Variants in DSG4 observed in about 807,000 individuals in gnomAD.
DSG4 encodes the protein desmoglein-4.
In DSG4, 87 loss-of-function variants were observed where a neutral mutation model predicts 93.1. The observed-to-expected ratio is 0.93, with a 90% CI of 0.79 to 1.12. The LOEUF (loss-of-function observed/expected upper bound fraction) is 1.12, where lower values mean the gene tolerates loss of function less well. DSG4 is among the 50% of genes most tolerant of loss of function. The probability of loss-of-function intolerance (pLI) is 0.00; values close to 1 mark genes in which losing one functional copy is unlikely to be tolerated. For synonymous variants in DSG4, 432 were observed against 452.9 expected (o/e 0.95, Z 0.59); for missense variants, 1,373 against 1,285.7 (o/e 1.07, Z -1.04).
At chr18:31,398,748 C>T (rs1001955070) in intron 8 of DSG4, among the ~76,000 whole-genome samples, 1 of 152,044 alleles carries the variant, frequency 6.6e-6, no homozygotes, top group Non-Finnish European at 1.5e-5. Context: ...GACCCGGCGA[C>T]TATAATCATC....
At chr18:31,390,903 A>T in intron 6 of DSG4, 81 bp downstream of exon 6, 1 of 1,540,950 alleles carries the variant, frequency 6.5e-7, no homozygotes, top group Admixed American at 1.9e-5. Context: ...GTGTACCCTT[A>T]CTCCAATATA....
chr18:31,406,511 A>T, intron 12 of DSG4, 138 bp downstream of exon 12: 1 of 930,772 alleles, frequency 1.1e-6, no homozygotes, highest in Non-Finnish European at 1.7e-6. Flanking sequence ...GAAATAAACA[A>T]TGGGACTGAC....
chr18:31,389,136 G>T lies in DSG4; in HGVS notation c.517+118G>T, dbSNP rs541994591. The T allele has an allele frequency of 2.6e-4, 292 of 1,102,032 alleles. 2 individuals are homozygous for T. In the South Asian group the frequency reaches 3.0e-3, roughly 11 times the overall value. The allele number at this position is 1,102,032 out of a possible 1,614,324, so 68.3% of individuals were successfully genotyped here. A position where few individuals can be genotyped will look rare whatever the true frequency, so the allele number is the denominator to read the frequency against. ...ACAGAAAAAGCCACACTTGTATTTT[G>T]AATAAACCCCACATATTTTAATTTA... is the stretch of plus-strand genomic sequence containing the variant. On this transcript the variant is annotated intron_variant, in intron 5 of 15. Coordinates refer to ENST00000308128, the MANE Select transcript of DSG4 (RefSeq NM_177986.5).
At chr18:31,411,069 C>A (rs770207455) in intron 14 of DSG4, 162 bp from the exon 15 acceptor site, 1 of 1,536,306 alleles carries the variant, frequency 6.5e-7, no homozygotes, top group Non-Finnish European at 8.8e-7. Context: ...GGTCAACAAG[C>A]CTGGAGATGT....
chr18:31,390,652 C>A lies in DSG4; in HGVS notation c.518-4C>A. ...CCATTCTCCACCTCCATTTCTATTTCTAGATACATTGGTAGTAAAGTTATG... is the reference window on the plus strand; with the variant it reads ...CCATTCTCCACCTCCATTTCTATTTATAGATACATTGGTAGTAAAGTTATG... On this transcript the variant is annotated splice_polypyrimidine_tract_variant and splice_region_variant and intron_variant, in intron 5 of 15. Transcript: ENST00000308128. The A allele has an allele frequency of 6.2e-7, 1 of 1,613,302 alleles. No individual in the cohort carries two copies. Among genetic ancestry groups the A allele is most frequent in the South Asian group, 1.1e-5 (1 of 91,072 alleles).
In DSG4 at chr18:31,376,838, C is replaced by T. The variant is rs2072082019; in HGVS notation, c.-74C>T. The T allele has an allele frequency of 1.3e-6, 2 of 1,538,092 alleles. No individual in the cohort carries two copies. Among genetic ancestry groups the T allele is most frequent in the Non-Finnish European group, 9.0e-7 (1 of 1,111,914 alleles). The stretch of plus-strand genomic sequence containing the variant: ...TCTCAAAGCATATCTTTCTGTAGAG[C>T]AGAATTCGGAACTGAGAAGACGAGG... On this transcript the variant is annotated 5_prime_UTR_variant, in exon 1 of 16. Coordinates refer to ENST00000308128, the MANE Select transcript of DSG4 (RefSeq NM_177986.5).
At chr18:31,400,530 A>G (rs1194316027) in intron 9 of DSG4, among the ~76,000 whole-genome samples, 3 of 152,198 alleles carry the variant, frequency 2.0e-5, no homozygotes, top group African/African-American at 7.2e-5. Flanking sequence ...TCCTAAGTAT[A>G]CCACATACAA....
At position 31,386,956 on chromosome 18, in the gene DSG4, C is replaced by T; in HGVS notation, c.216+137C>T. The T allele has an allele frequency of 2.1e-6, 3 of 1,410,840 alleles. No homozygotes were observed. In the Admixed American group the frequency reaches 5.8e-5, roughly 27 times the overall value. The allele number at this position is 1,410,840 out of a possible 1,614,324, so 87.4% of individuals were successfully genotyped here. A position where few individuals can be genotyped will look rare whatever the true frequency, so the allele number is the denominator to read the frequency against. On this transcript the variant is annotated intron_variant, in intron 3 of 15. Transcript: ENST00000308128. ...GTGGTCATTTGCTCCAGTTGCTGAG[C>T]CACTGATTTGAATATCATGTGCAGG...
intron 12 of DSG4, among the ~76,000 whole-genome samples, chr18:31,406,610 A>G (rs905632292): frequency 6.6e-6 from 1 of 152,164 alleles, no homozygotes; most frequent in Admixed American, 6.5e-5. Flanking sequence ...AAATCACTAC[A>G]TATACTACCT....
In DSG4 at chr18:31,392,194, C is replaced by A. The variant is rs764606606; in HGVS notation, c.859C>A (p.Leu287Met). ...TGAAGAGAATTGTTTAAGTTCGGAACTGATACGATTACAAGCAATTGATCT... is the reference window on the plus strand; with the variant it reads ...TGAAGAGAATTGTTTAAGTTCGGAAATGATACGATTACAAGCAATTGATCT... ...SIEENCLSSE[L>M]IRLQAIDLDE... is the part of the protein sequence containing the mutation. Residue 287 changes from leucine to methionine, a missense_variant, in exon 8 of 16, where the codon CTG (leucine) becomes ATG (methionine). By Grantham distance (15) the Leu-to-Met change is conservative. Coordinates refer to ENST00000308128, the MANE Select transcript of DSG4 (RefSeq NM_177986.5). 1.2e-6 allele frequency: 2 copies of A among 1,613,686 alleles called. No homozygotes were observed. Among genetic ancestry groups the A allele is most frequent in the Non-Finnish European group, 1.7e-6 (2 of 1,179,810 alleles).
At chr18:31,392,082 A>C (rs2072255828) in intron 7 of DSG4, 73 bp from the exon 8 acceptor site, 5 of 1,412,352 alleles carry the variant, frequency 3.5e-6, no homozygotes, top group Non-Finnish European at 5.0e-6. Context: ...TATTTTAAAT[A>C]ATAATAATGT....
rs2072359835 is a variant in DSG4 at position 31,401,001 on chromosome 18, A to ATT, written c.1398_1399insTT (p.Glu467LeufsTer6). 3 of 1,605,504 alleles carry ATT rather than the reference A, an allele frequency of 1.9e-6. No individual in the cohort carries two copies. Among genetic ancestry groups the ATT allele is most frequent in the Non-Finnish European group, 2.6e-6 (3 of 1,175,598 alleles). ...ATATTATCAATGGGATATACACAGC[A>ATT]GAGATCCTGGCTATAGATGGTAAGA... On this transcript the variant is annotated frameshift_variant, in exon 10 of 16. Coordinates refer to ENST00000308128, the MANE Select transcript of DSG4 (RefSeq NM_177986.5). LOFTEE classifies it high-confidence loss of function.
intron 10 of DSG4, chr18:31,401,499 A>G (rs2072366131): frequency 6.5e-6 from 1 of 153,358 alleles, no homozygotes; most frequent in African/African-American, 2.4e-5. Flanking sequence ...TTTCCATAGT[A>G]AGATGCTATG....
At chr18:31,405,991 A>C in intron 11 of DSG4, 86 bp from the exon 12 acceptor site, 1 of 1,490,932 alleles carries the variant, frequency 6.7e-7, no homozygotes, top group Non-Finnish European at 9.3e-7. Flanking sequence ...GTTTTAAGTC[A>C]ATATTTGGTA....
intron 3 of DSG4, 40 bp from the exon 4 acceptor site, chr18:31,388,327 G>A: frequency 6.2e-7 from 1 of 1,609,166 alleles, no homozygotes; most frequent in Non-Finnish European, 8.5e-7. Flanking sequence ...AGCATTATCT[G>A]CTCTAAACTG....
intron 3 of DSG4, 130 bp from the exon 4 acceptor site, chr18:31,388,237 A>T: frequency 3.0e-6 from 3 of 1,015,280 alleles, no homozygotes; most frequent in Non-Finnish European, 4.4e-6. Flanking sequence ...GTCACACAGG[A>T]CTAAGTCATG....
intron 8 of DSG4, among the ~76,000 whole-genome samples, chr18:31,393,761 T>G (rs1475243989): frequency 6.6e-6 from 1 of 152,160 alleles, no homozygotes; most frequent in Non-Finnish European, 1.5e-5. Context: ...AGCAAACATA[T>G]CGTTTATTCA....
At chr18:31,394,516 G>T (rs1253667375) in intron 8 of DSG4, among the ~76,000 whole-genome samples, 1 of 152,158 alleles carries the variant, frequency 6.6e-6, no homozygotes, top group African/African-American at 2.4e-5. Context: ...GGCGGAGGTT[G>T]CAGTGAGCTG....
chr18:31,385,716 A>T (rs1256028389), intron 2 of DSG4, among the ~76,000 whole-genome samples: 2 of 152,106 alleles, frequency 1.3e-5, no homozygotes, highest in African/African-American at 4.8e-5. Context: ...AAGTTTTCTC[A>T]TCTTTTTGGT....
Sources: allele counts gnomAD v4.1 joint callset (sites outside exome capture counted in the v4.1 genomes callset), GRCh38; gene constraint gnomAD v4.1.1; transcripts MANE v1.5; gene names NCBI Gene and HGNC (gene_info 2026-07-23, HGNC 2026-07-21).